Variants in PPIH observed in about 807,000 individuals in gnomAD.
The protein encoded by PPIH is peptidylprolyl isomerase H, also known as peptidyl-prolyl cis-trans isomerase H.
A neutral mutation model predicts 27.6 loss-of-function variants in PPIH; 16 were observed. The ratio of observed to expected loss-of-function variants is 0.58; its 90% CI spans 0.39 to 0.88. The LOEUF (loss-of-function observed/expected upper bound fraction) is 0.88. PPIH is among the 40% of genes least tolerant of loss of function. The pLI, the probability that PPIH is intolerant of heterozygous loss-of-function variation, is 0.00. For synonymous variants in PPIH, 63 were observed against 76.1 expected (o/e 0.83, Z 0.90); for missense variants, 155 against 224.1 (o/e 0.69, Z 1.97).
intron 9 of PPIH, among the ~76,000 whole-genome samples, chr1:42,669,085 C>CTGTAGTCCCA (rs1649492607): frequency 6.6e-6 from 1 of 151,478 alleles, no homozygotes. Context: ...TGGTGCATGC[C>CTGTAGTCCCA]TGTAGTCCCA....
downstream of PPIH, among the ~76,000 whole-genome samples, chr1:42,680,380 C>T (rs1467410071): frequency 6.6e-6 from 1 of 152,330 alleles, no homozygotes; most frequent in Non-Finnish European, 1.5e-5. Context: ...TAGAATTCAG[C>T]TGTTTGCTAC....
chr1:42,659,740 C>T (rs550985696), intron 4 of PPIH, among the ~76,000 whole-genome samples, 174 bp downstream of exon 4: 1 of 152,316 alleles, frequency 6.6e-6, no homozygotes, highest in Admixed American at 6.5e-5. Context: ...TACACTCCCC[C>T]ACTTCTTAGG....
At chr1:42,661,339 T>C (rs1271250754) in intron 5 of PPIH, among the ~76,000 whole-genome samples, 1 of 152,214 alleles carries the variant, frequency 6.6e-6, no homozygotes, top group Non-Finnish European at 1.5e-5. Context: ...TCACAGTGCC[T>C]GGAAAGCTGA....
chr1:42,660,958 T>C (rs192291819), intron 5 of PPIH, 54 bp downstream of exon 5: 4 of 1,504,938 alleles, frequency 2.7e-6, no homozygotes, highest in Non-Finnish European at 3.7e-6. Flanking sequence ...TTTGTTGTTA[T>C]TGTTGCAATT....
intron 9 of PPIH, among the ~76,000 whole-genome samples, chr1:42,671,005 A>C (rs1044567669): frequency 2.6e-5 from 4 of 152,136 alleles, no homozygotes; most frequent in African/African-American, 9.7e-5. Flanking sequence ...CGTGTTAGCC[A>C]TGCTGGTCTT....
At chr1:42,662,694 A>G (rs1407390184) in intron 5 of PPIH, among the ~76,000 whole-genome samples, 1 of 152,222 alleles carries the variant, frequency 6.6e-6, no homozygotes, top group Non-Finnish European at 1.5e-5. Context: ...TGGTTTTAAT[A>G]GTATTTATTA....
Position 42,659,569 on chromosome 1 carries a change from A to G in PPIH, c.200+3A>G. The G allele has an allele frequency of 6.2e-7, 1 of 1,613,264 alleles. No individual in the cohort carries two copies. Among genetic ancestry groups the G allele is most frequent in the Non-Finnish European group, 8.5e-7 (1 of 1,179,902 alleles). On this transcript the variant is annotated splice_donor_region_variant and intron_variant, in intron 4 of 9. Coordinates refer to ENST00000304979, the MANE Select transcript of PPIH (RefSeq NM_006347.4). ...TACAAAGGAAGCACCTTCCACAGGT[A>G]AGGCTCTTGGCAAGCCATCCTGGAG... is the stretch of plus-strand genomic sequence containing the variant.
chr1:42,672,650 A>AT (rs552835482), intron 9 of PPIH, among the ~76,000 whole-genome samples: 155 of 144,502 alleles, frequency 1.1e-3, no homozygotes, highest in Middle Eastern at 3.6e-3. Flanking sequence ...TTTGTGTACA[A>AT]TTTTTTTTTT....
In PPIH at chr1:42,674,800, G is replaced by A. The variant is rs181011868; in HGVS notation, c.*22-1784G>A. On this transcript the variant is annotated intron_variant, in intron 9 of 9. Transcript: ENST00000304979. Reference sequence around the variant, plus strand: ...TGGAGATTTGGCAGCAAATATTTATGTGCCTGCTGGGCATGTGACACTGTA... The same window carrying A: ...TGGAGATTTGGCAGCAAATATTTATATGCCTGCTGGGCATGTGACACTGTA... Among the ~76,000 whole-genome samples the A allele has an allele frequency of 4.3e-4, 66 of 152,340 alleles. 1 individual carries two copies. Among genetic ancestry groups the A allele is most frequent in the South Asian group, 1.2e-3 (6 of 4,832 alleles).
intron 5 of PPIH, among the ~76,000 whole-genome samples, 168 bp from the exon 6 acceptor site, chr1:42,664,695 G>A (rs370879448): frequency 2.0e-5 from 3 of 152,198 alleles, no homozygotes; most frequent in Admixed American, 6.5e-5. Flanking sequence ...CTTATATAAG[G>A]CTTGATCTGA....
At chr1:42,667,550 C>T (rs754660512) in intron 9 of PPIH, 110 bp downstream of exon 9, 18 of 839,606 alleles carry the variant, frequency 2.1e-5, no homozygotes, top group South Asian at 3.2e-5. Context: ...CCAGTTCCTC[C>T]GTGTATGGCC....
downstream of PPIH, among the ~76,000 whole-genome samples, chr1:42,680,533 T>A (rs930893617): frequency 6.6e-6 from 1 of 152,054 alleles, no homozygotes; most frequent in Non-Finnish European, 1.5e-5. Context: ...ACCCTAAGGG[T>A]AATAGTAGTC....
rs1648859380 is a variant in PPIH at position 42,659,222 on chromosome 1, T to C, written c.132-6T>C. On this transcript the variant is annotated splice_polypyrimidine_tract_variant and splice_region_variant and intron_variant, in intron 2 of 9. Coordinates refer to ENST00000304979, the MANE Select transcript of PPIH (RefSeq NM_006347.4). ...GATTGAATCATTCATTTTTTGTCCCTTTCAGGCAGTTCTGCACCGGAGAAT... is the reference window on the plus strand; with the variant it reads ...GATTGAATCATTCATTTTTTGTCCCCTTCAGGCAGTTCTGCACCGGAGAAT... 5.6e-6 allele frequency: 9 copies of C among 1,614,108 alleles called. No homozygotes were observed. The highest frequency in any genetic ancestry group is 1.3e-5 in the African/African-American group (1 of 74,924).
chr1:42,671,888 T>TC lies in PPIH; in HGVS notation c.*21+4448_*21+4449insC, dbSNP rs1163595217. 4.1e-5 allele frequency among the ~76,000 whole-genome samples: 6 copies of TC among 146,778 alleles called. No individual in the cohort carries two copies. In the East Asian group the frequency reaches 9.7e-4, roughly 24 times the overall value. ...ATTGGGCAGTATTTCTTTCTTTCTTTTTTTTTTTTTTTCGAGACGGAGTCT... is the reference window on the plus strand; with the variant it reads ...ATTGGGCAGTATTTCTTTCTTTCTTTCTTTTTTTTTTTTCGAGACGGAGTCT... On this transcript the variant is annotated intron_variant, in intron 9 of 9. Coordinates refer to ENST00000304979, the MANE Select transcript of PPIH (RefSeq NM_006347.4).
At chr1:42,677,174 A>T (rs1049329775), downstream of PPIH, among the ~76,000 whole-genome samples, 7 of 152,228 alleles carry the variant, frequency 4.6e-5, no homozygotes, top group African/African-American at 7.2e-5. Context: ...ACAATACCTT[A>T]GAAAATGTTA....
In PPIH at chr1:42,658,914, G is replaced by A; in HGVS notation, c.131+6G>A. 1 of 1,614,072 alleles carries A rather than the reference G, an allele frequency of 6.2e-7. No individual in the cohort carries two copies. The highest frequency in any genetic ancestry group is 8.5e-7 in the Non-Finnish European group (1 of 1,179,896). On this transcript the variant is annotated splice_donor_region_variant and intron_variant, in intron 2 of 9. Transcript: ENST00000304979. ...AAGACGGCCGAGAACTTTAGGTAAG[G>A]ACGTGCTCCAGCTCCGCTGGATTAG...
chr1:42,659,097 C>A, intron 2 of PPIH, 131 bp from the exon 3 acceptor site: 1 of 1,448,020 alleles, frequency 6.9e-7, no homozygotes, highest in Non-Finnish European at 9.5e-7. Flanking sequence ...GTCTGTGTGA[C>A]TGCGTGTCTG....
Position 42,664,898 on chromosome 1 carries a change from G to C in PPIH, c.279G>C (p.Gly93=). The C allele has an allele frequency of 6.2e-7, 1 of 1,613,734 alleles. No homozygotes were observed. Among genetic ancestry groups the C allele is most frequent in the Non-Finnish European group, 8.5e-7 (1 of 1,179,858 alleles). Residue 93 remains glycine (G), a synonymous_variant, in exon 6 of 10, where the codon GGG becomes GGC. Transcript: ENST00000304979. ...CTGGAGTCGCCAGTATTTACCGGGG[G>C]CCATTTGCAGATGAAAATTTTAAAC... is the stretch of plus-strand genomic sequence containing the variant. ...DGTGVASIYR[G]PFADENFKLR... is the part of the protein sequence containing the mutation.
At chr1:42,664,990 C>G in intron 6 of PPIH, 35 bp downstream of exon 6, 1 of 1,573,514 alleles carries the variant, frequency 6.4e-7, no homozygotes, top group Non-Finnish European at 8.7e-7. Context: ...TGGGTTATAG[C>G]CAGCTGGTTC....
Sources: gnomAD v4.1 joint callset for allele counts (sites outside exome capture counted in the v4.1 genomes callset) on GRCh38, gnomAD v4.1.1 for gene constraint, MANE v1.5 for transcripts, NCBI Gene and HGNC (gene_info 2026-07-23, HGNC 2026-07-21) for gene names.